Variants in TEAD4 observed in about 807,000 individuals in gnomAD.
TEAD4 encodes the protein transcriptional enhancer factor TEF-3.
TEAD4 carries 36 observed loss-of-function variants against 52.4 expected under a neutral mutation model. The observed-to-expected ratio is 0.69, with a 90% CI of 0.53 to 0.91. The LOEUF (loss-of-function observed/expected upper bound fraction) is 0.91, where lower values mean the gene tolerates loss of function less well. Among genes scored for constraint, TEAD4 ranks in the 40% least tolerant of loss-of-function variants. The pLI is 0.00. For missense variants in TEAD4, 508 were observed against 583.9 expected, an observed-to-expected ratio of 0.87 and a Z score of 1.34; for synonymous variants, 220 against 231.0, an observed-to-expected ratio of 0.95 and a Z score of 0.43.
intron 3 of TEAD4, among the ~76,000 whole-genome samples, chr12:3,004,024 C>T (rs2098253834): frequency 6.6e-6 from 1 of 152,246 alleles, no homozygotes; most frequent in East Asian, 1.9e-4. Context: ...GCTCCCTACT[C>T]CCTTCCCCTC....
chr12:2,963,300 C>G (rs1345490629), intron 2 of TEAD4, among the ~76,000 whole-genome samples: 4 of 152,246 alleles, frequency 2.6e-5, no homozygotes, highest in Non-Finnish European at 5.9e-5. Context: ...TTCTCCTTCC[C>G]AGTGGAAGTG....
chr12:3,018,890 G>T (rs949545390), intron 7 of TEAD4, among the ~76,000 whole-genome samples: 8 of 152,092 alleles, frequency 5.3e-5, no homozygotes, highest in Non-Finnish European at 1.5e-5. Flanking sequence ...GCTGGCCTGG[G>T]AGGAGGAGAG....
At chr12:2,972,333 C>T (rs967827438) in intron 2 of TEAD4, among the ~76,000 whole-genome samples, 5 of 152,232 alleles carry the variant, frequency 3.3e-5, no homozygotes, top group South Asian at 2.1e-4. Context: ...CCTCCCGTCT[C>T]GGACCCTCAA....
intron 2 of TEAD4, chr12:2,960,353 G>A: frequency 1.0e-5 from 10 of 985,620 alleles, no homozygotes; most frequent in African/African-American, 1.7e-5. Context: ...GAGACCTGGA[G>A]GTAAGCGGAC....
chr12:3,012,071 A>G, intron 4 of TEAD4, 99 bp from the exon 5 acceptor site: 1 of 1,193,004 alleles, frequency 8.4e-7, no homozygotes, highest in Non-Finnish European at 1.2e-6. Flanking sequence ...TGGTCCACAG[A>G]TGTGGGTTGA....
In TEAD4 at chr12:2,962,327, A is replaced by AAT. The variant is rs745423413; in HGVS notation, c.-30+2291_-30+2292dup. 5.4e-4 allele frequency among the ~76,000 whole-genome samples: 61 copies of AAT among 112,734 alleles called. 1 individual carries two copies. The highest frequency in any genetic ancestry group is 3.4e-3 in the East Asian group (13 of 3,830). The allele number at this position is 112,734 out of a possible 152,430, so 74.0% of individuals were successfully genotyped here. A position where few individuals can be genotyped will look rare whatever the true frequency, so the allele number is the denominator to read the frequency against. On this transcript the variant is annotated intron_variant, in intron 2 of 12. Coordinates refer to ENST00000359864, the MANE Select transcript of TEAD4 (RefSeq NM_003213.4). ...ATATAAATATATAAATATATATATA[A>AAT]ATATAAATATATATATATATTTTTT...
intron 2 of TEAD4, among the ~76,000 whole-genome samples, chr12:2,969,650 G>A (rs904380692): frequency 9.2e-5 from 14 of 152,210 alleles, no homozygotes; most frequent in African/African-American, 3.4e-4. Context: ...AGGTAGTACA[G>A]CGAAGCTGCA....
intron 8 of TEAD4, among the ~76,000 whole-genome samples, chr12:3,020,164 G>T (rs1445932943): frequency 3.9e-5 from 6 of 152,208 alleles, no homozygotes; most frequent in Non-Finnish European, 8.8e-5. Context: ...GGGCTCTTCT[G>T]GGCCAGGCCC....
At chr12:2,973,737 G>A (rs2098227131) in intron 2 of TEAD4, among the ~76,000 whole-genome samples, 1 of 152,222 alleles carries the variant, frequency 6.6e-6, no homozygotes, top group Non-Finnish European at 1.5e-5. Context: ...CTAATGGCCT[G>A]CTGGGTCAGG....
At chr12:3,003,175 A>G (rs1160714488) in intron 3 of TEAD4, among the ~76,000 whole-genome samples, 1 of 152,010 alleles carries the variant, frequency 6.6e-6, no homozygotes, top group South Asian at 2.1e-4. Flanking sequence ...CCTACAGTGA[A>G]CCAAAGATGT....
At chr12:3,010,767 G>A (rs2098259652) in intron 3 of TEAD4, among the ~76,000 whole-genome samples, 1 of 152,160 alleles carries the variant, frequency 6.6e-6, no homozygotes, top group Non-Finnish European at 1.5e-5. Flanking sequence ...GGTGGCCACG[G>A]GCCCTGTTAA....
chr12:2,967,996 A>G (rs1282400215), intron 2 of TEAD4, among the ~76,000 whole-genome samples: 2 of 151,354 alleles, frequency 1.3e-5, no homozygotes, highest in African/African-American at 2.4e-5. Flanking sequence ...GAAAGTTTAT[A>G]TATCCTGAGC....
intron 3 of TEAD4, among the ~76,000 whole-genome samples, chr12:3,009,656 G>A (rs907151198): frequency 6.6e-6 from 1 of 152,202 alleles, no homozygotes; most frequent in Non-Finnish European, 1.5e-5. Flanking sequence ...ACTGTCGACC[G>A]TTCACTGGAC....
intron 10 of TEAD4, 30 bp downstream of exon 10, chr12:3,022,047 C>T: frequency 6.2e-7 from 1 of 1,609,810 alleles, no homozygotes; most frequent in Non-Finnish European, 8.5e-7. Flanking sequence ...TTCTTTCCTG[C>T]CACCAGCGTG....
chr12:3,034,939 A>T (rs1009711330), intron 10 of TEAD4, among the ~76,000 whole-genome samples: 2 of 151,944 alleles, frequency 1.3e-5, no homozygotes, highest in African/African-American at 4.8e-5. Context: ...ACTAAAAAAA[A>T]AAAATACAAA....
chr12:2,990,461 CTTTTTTT>C (rs71057876), intron 2 of TEAD4, among the ~76,000 whole-genome samples: 85 of 67,030 alleles, frequency 1.3e-3, no homozygotes, highest in African/African-American at 4.2e-3. Flanking sequence ...GACAGATAAT[CTTTTTTT>C]TTTTTTTTTT....
Position 2,962,523 on chromosome 12 carries a change from C to T in TEAD4, c.-30+2483C>T, listed in dbSNP as rs554383619. Among the ~76,000 whole-genome samples, 6 of 151,706 alleles carry T rather than the reference C, an allele frequency of 4.0e-5. No individual in the cohort carries two copies. The East Asian group carries it at 7.8e-4, about 20-fold the overall frequency. On this transcript the variant is annotated intron_variant, in intron 2 of 12. Transcript: ENST00000359864. The stretch of plus-strand genomic sequence containing the variant: ...ACTAATTTTGTATTTTTAGTGGAGA[C>T]GGAGTTTCTCCATGTTGGTCAGGCT...
At chr12:2,961,290 G>A (rs1017118238) in intron 2 of TEAD4, among the ~76,000 whole-genome samples, 2 of 152,164 alleles carry the variant, frequency 1.3e-5, no homozygotes, top group Middle Eastern at 6.8e-3. Flanking sequence ...TTTCCAACTT[G>A]CCAGACACTC....
At position 2,994,733 on chromosome 12, in the gene TEAD4, C is replaced by T. The variant is rs757578311; in HGVS notation, c.-29-5C>T. On this transcript the variant is annotated splice_region_variant and splice_polypyrimidine_tract_variant and intron_variant, in intron 2 of 12. Transcript: ENST00000359864. The surrounding 1 kb of genome is among the most constrained non-coding windows in gnomAD (Gnocchi z 4.7). Reference sequence around the variant, plus strand: ...TCACCGGGGCTGTGGTTCCTGTCCCCACAGGTCCAACGAGCGCTCCTCCAA... The same window carrying T: ...TCACCGGGGCTGTGGTTCCTGTCCCTACAGGTCCAACGAGCGCTCCTCCAA... 1.3e-6 allele frequency: 2 copies of T among 1,568,184 alleles called. No individual in the cohort carries two copies. The highest frequency in any genetic ancestry group is 1.7e-6 in the Non-Finnish European group (2 of 1,157,184).
Sources: allele counts gnomAD v4.1 joint callset (sites outside exome capture counted in the v4.1 genomes callset), GRCh38; gene constraint gnomAD v4.1.1; non-coding constraint Gnocchi (gnomAD v3.1); transcripts MANE v1.5; gene names NCBI Gene and HGNC (gene_info 2026-07-23, HGNC 2026-07-21).